Variants in KCNB2 observed in about 807,000 individuals in gnomAD.
KCNB2 encodes the protein delayed rectifier potassium channel protein.
A neutral mutation model predicts 61.5 loss-of-function variants in KCNB2; 15 were observed. That is an observed-to-expected ratio of 0.24 (90% CI 0.16 to 0.38). The LOEUF (loss-of-function observed/expected upper bound fraction) is 0.38. Among genes scored for constraint, KCNB2 ranks in the 10% least tolerant of loss-of-function variants. The pLI is 1.00. For missense variants in KCNB2, 828 were observed against 1,125.2 expected (o/e 0.74, Z 3.78); for synonymous variants, 457 against 446.0 (o/e 1.02, Z -0.31).
At chr8:72,676,792 A>T (rs1190579498) in intron 2 of KCNB2, among the ~76,000 whole-genome samples, 1 of 152,110 alleles carries the variant, frequency 6.6e-6, no homozygotes. Flanking sequence ...AAGCAATCAC[A>T]GGAGAACTTC....
intron 2 of KCNB2, among the ~76,000 whole-genome samples, chr8:72,831,712 C>T (rs1052386414): frequency 6.6e-6 from 1 of 152,140 alleles, no homozygotes; most frequent in African/African-American, 2.4e-5. Flanking sequence ...AATTTTTGGT[C>T]CCAACTATGT....
intron 2 of KCNB2, among the ~76,000 whole-genome samples, chr8:72,588,473 AG>A (rs1585769242): frequency 1.3e-5 from 2 of 152,060 alleles, no homozygotes; most frequent in African/African-American, 2.4e-5. Context: ...CGCCAACCCC[AG>A]GTGATCCGCC....
At chr8:72,902,508 G>T (rs940155464) in intron 2 of KCNB2, among the ~76,000 whole-genome samples, 23 of 152,214 alleles carry the variant, frequency 1.5e-4, no homozygotes, top group African/African-American at 5.5e-4. Context: ...AAATGCTAGG[G>T]CATTAGAAGG....
chr8:72,725,609 A>ATG lies in KCNB2; in HGVS notation c.579+157297_579+157298insGT, dbSNP rs1563572128. On this transcript the variant is annotated intron_variant, in intron 2 of 2. Coordinates refer to ENST00000523207, the MANE Select transcript of KCNB2 (RefSeq NM_004770.3). Reference sequence around the variant, plus strand: ...TATGTATGTATATATATATATATATATATATATATATATGCATTCTTCTGA... The same window carrying ATG: ...TATGTATGTATATATATATATATATATGTATATATATATATGCATTCTTCTGA... Among the ~76,000 whole-genome samples the ATG allele has an allele frequency of 3.5e-4, 20 of 57,124 alleles. No homozygotes were observed. The South Asian group carries it at 4.8e-3, about 14-fold the overall frequency. 37.5% of individuals were successfully genotyped at this position (57,124 alleles called of 152,430 possible).
intron 2 of KCNB2, among the ~76,000 whole-genome samples, chr8:72,609,965 T>C (rs1430780045): frequency 2.6e-5 from 4 of 152,224 alleles, no homozygotes; most frequent in Non-Finnish European, 5.9e-5. Context: ...AAACTGTGGC[T>C]CTGGCTGTCT....
intron 2 of KCNB2, among the ~76,000 whole-genome samples, chr8:72,719,004 A>T (rs1807499146): frequency 6.6e-6 from 1 of 152,056 alleles, no homozygotes; most frequent in African/African-American, 2.4e-5. Context: ...GGTTATGGCA[A>T]ATAGTAGTAA....
chr8:72,656,535 A>G (rs1219911779), intron 2 of KCNB2, among the ~76,000 whole-genome samples: 1 of 152,170 alleles, frequency 6.6e-6, no homozygotes, highest in Non-Finnish European at 1.5e-5. Flanking sequence ...TCCAAATTGT[A>G]CATGTATAAT....
chr8:72,590,033 C>T (rs1453660812), intron 2 of KCNB2, among the ~76,000 whole-genome samples: 1 of 151,544 alleles, frequency 6.6e-6, no homozygotes, highest in East Asian at 1.9e-4. Flanking sequence ...ATTTCACTGA[C>T]GTATAGTAAA....
intron 2 of KCNB2, among the ~76,000 whole-genome samples, chr8:72,757,949 C>T (rs970754756): frequency 5.3e-5 from 8 of 152,148 alleles, no homozygotes; most frequent in African/African-American, 1.9e-4. Context: ...GGCCACATGC[C>T]CTGTGGGGTG....
chr8:72,582,322 G>C (rs866577981), intron 2 of KCNB2, among the ~76,000 whole-genome samples: 9 of 152,202 alleles, frequency 5.9e-5, no homozygotes, highest in Non-Finnish European at 1.3e-4. Flanking sequence ...GCATTGGAAG[G>C]CATCCCATTT....
intron 2 of KCNB2, among the ~76,000 whole-genome samples, chr8:72,656,253 A>T (rs1806289128): frequency 6.6e-6 from 1 of 152,180 alleles, no homozygotes; most frequent in Admixed American, 6.6e-5. Context: ...AATCAAGGCA[A>T]AAGATTAAAA....
chr8:72,634,864 G>A (rs1805939884), intron 2 of KCNB2, among the ~76,000 whole-genome samples: 1 of 152,142 alleles, frequency 6.6e-6, no homozygotes. Flanking sequence ...GTGTTGATGG[G>A]GAGACATTTA....
chr8:72,913,375 C>T (rs1342345879), intron 2 of KCNB2, among the ~76,000 whole-genome samples: 1 of 152,152 alleles, frequency 6.6e-6, no homozygotes. Flanking sequence ...AGAGTCTTCC[C>T]TTCAGGAGAT....
At position 72,561,764 on chromosome 8, in the gene KCNB2, TATATATATATATGGATATATATATAC is replaced by T. The variant is rs1563523572; in HGVS notation, c.-93-5865_-93-5840del. ...ATATATATGTATATATATATATGGA[TATATATATATATGGATATATATATAC>T]ATATATATATATATGAATGATAGTT... is the stretch of plus-strand genomic sequence containing the variant. On this transcript the variant is annotated intron_variant, in intron 1 of 2. Transcript: ENST00000523207. Among the ~76,000 whole-genome samples, 76 of 25,488 alleles carry T rather than the reference TATATATATATATGGATATATATATAC, an allele frequency of 3.0e-3. 1 individual carries two copies. The highest frequency in any genetic ancestry group is 0.015 in the African/African-American group (69 of 4,582). 16.7% of individuals were successfully genotyped at this position (25,488 alleles called of 152,430 possible).
rs1207407807 is a variant in KCNB2 at position 72,784,884 on chromosome 8, A to C, written c.580-151051A>C. ...GAGCTTGCCCCTCATCCCCTGCACA[A>C]TAAAAGTTTGTTGAAGGAGAAAGGA... On this transcript the variant is annotated intron_variant, in intron 2 of 2. Coordinates refer to ENST00000523207, the MANE Select transcript of KCNB2 (RefSeq NM_004770.3). Among the ~76,000 whole-genome samples the C allele has an allele frequency of 4.6e-5, 7 of 152,070 alleles. No homozygotes were observed. The East Asian group carries it at 1.3e-3, about 29-fold the overall frequency.
rs146804876 is a variant in KCNB2, at chr8:72,626,400, A to G, written c.579+58087A>G. 7.5e-3 allele frequency among the ~76,000 whole-genome samples: 1,147 copies of G among 152,300 alleles called. 6 individuals carry two copies. The Middle Eastern group carries it at 0.078, about 10-fold the overall frequency. Reference sequence around the variant, plus strand: ...AAGGTTTTCTTGAAATTAATATGTAATCAATCACACTCAGAATATATTTGG... The same window carrying G: ...AAGGTTTTCTTGAAATTAATATGTAGTCAATCACACTCAGAATATATTTGG... On this transcript the variant is annotated intron_variant, in intron 2 of 2. Transcript: ENST00000523207.
chr8:72,655,162 G>A (rs561675062), intron 2 of KCNB2, among the ~76,000 whole-genome samples: 27 of 152,210 alleles, frequency 1.8e-4, no homozygotes, highest in Admixed American at 3.3e-4. Context: ...GGATGGAGCT[G>A]GAGGCTATTA....
chr8:72,691,846 C>T (rs891212583), intron 2 of KCNB2, among the ~76,000 whole-genome samples: 5 of 152,236 alleles, frequency 3.3e-5, no homozygotes, highest in African/African-American at 9.6e-5. Flanking sequence ...ACTTGAAGTT[C>T]GTTGTTTGTC....
chr8:72,559,155 ATT>A (rs1026733814), intron 1 of KCNB2, among the ~76,000 whole-genome samples: 1 of 149,756 alleles, frequency 6.7e-6, no homozygotes, highest in Non-Finnish European at 1.5e-5. Context: ...TTTATTATTT[ATT>A]TTTTTGGAGA....
Sources: gnomAD v4.1 joint callset for allele counts (sites outside exome capture counted in the v4.1 genomes callset) on GRCh38, gnomAD v4.1.1 for gene constraint, MANE v1.5 for transcripts, NCBI Gene and HGNC (gene_info 2026-07-23, HGNC 2026-07-21) for gene names.